OSBP2: variants seen among roughly 807,000 people sequenced by gnomAD.
OSBP2 encodes oxysterol binding protein 2.
A neutral mutation model predicts 96.0 loss-of-function variants in OSBP2; 66 were observed. That is an observed-to-expected ratio of 0.69 (90% confidence interval 0.56 to 0.84). The LOEUF is 0.84. OSBP2 is among the 40% of genes least tolerant of loss of function. The probability of loss-of-function intolerance (pLI) is 0.00; values close to 1 mark genes in which losing one functional copy is unlikely to be tolerated. For synonymous variants in OSBP2, 525 were observed against 520.9 expected, an observed-to-expected ratio of 1.01 and a Z score of -0.11; for missense variants, 1,038 against 1,222.7, an observed-to-expected ratio of 0.85 and a Z score of 2.25.
intron 3 of OSBP2, chr22:30,872,593 T>C (rs774422875): frequency 8.4e-6 from 3 of 358,080 alleles, no homozygotes; most frequent in Non-Finnish European, 1.6e-5. Flanking sequence ...GGCGGCAGAG[T>C]CAGCCCTGAG....
rs2145679936 is a variant in OSBP2, at chr22:30,707,764, C to T, written c.644+12211C>T. On this transcript the variant is annotated intron_variant, in intron 1 of 13. Transcript: ENST00000332585. ...ACTTTTTGTAATTTTGTGTTTTGTT[C>T]CTAGTATAAAGACCCAACATGCAGC... Among the ~76,000 whole-genome samples, 2 of 151,726 alleles carry T rather than the reference C, an allele frequency of 1.3e-5. 1 individual carries two copies. The highest frequency in any genetic ancestry group is 4.2e-4 in the South Asian group (2 of 4,796).
intron 2 of OSBP2, among the ~76,000 whole-genome samples, chr22:30,799,483 G>T (rs2090820574): frequency 6.6e-6 from 1 of 152,248 alleles, no homozygotes; most frequent in African/African-American, 2.4e-5. Context: ...ACTGCAGGCA[G>T]TAGTTAATTC....
intron 2 of OSBP2, among the ~76,000 whole-genome samples, chr22:30,815,671 G>A (rs1448694656): frequency 6.6e-6 from 1 of 152,038 alleles, no homozygotes; most frequent in East Asian, 1.9e-4. Context: ...TATTAAACAT[G>A]GCTCTTCATG....
intron 2 of OSBP2, among the ~76,000 whole-genome samples, chr22:30,780,153 G>A (rs75960339): frequency 0.013 from 1,982 of 152,340 alleles, 22 homozygotes; most frequent in Middle Eastern, 0.041. Flanking sequence ...AGCCCCGGGC[G>A]AGCAGAAAGG....
At chr22:30,902,140 C>CAAAAAAAAAAAAAAAAAAAAAAAAAAAA (rs1239083048) in intron 12 of OSBP2, 4 of 253,948 alleles carry the variant, frequency 1.6e-5, no homozygotes, top group East Asian at 5.8e-5. Flanking sequence ...AAAAAAAAAC[C>CAAAAAAAAAAAAAAAAAAAAAAAAAAAA]AAAAAAAAAA....
In OSBP2 at chr22:30,881,740, G is replaced by A. The variant is rs1440943972; in HGVS notation, c.1108-5686G>A. On this transcript the variant is annotated intron_variant, in intron 3 of 13. Transcript: ENST00000332585. The surrounding 1 kb of genome is among the most constrained non-coding windows in gnomAD (Gnocchi z 4.5). ...CTGCCTCTCCCCACAGCACAGCCAGGATGGGGCCTGGAGAAGGCCGGCAGC... is the reference window on the plus strand; with the variant it reads ...CTGCCTCTCCCCACAGCACAGCCAGAATGGGGCCTGGAGAAGGCCGGCAGC... 3 of 1,304,196 alleles carry A rather than the reference G, an allele frequency of 2.3e-6. No homozygotes were observed. The highest frequency in any genetic ancestry group is 5.5e-5 in the East Asian group (1 of 18,034). 80.8% of individuals were successfully genotyped at this position (1,304,196 alleles called of 1,614,324 possible).
intron 1 of OSBP2, among the ~76,000 whole-genome samples, chr22:30,701,215 G>A (rs2089155560): frequency 6.6e-6 from 1 of 152,022 alleles, no homozygotes; most frequent in African/African-American, 2.4e-5. Flanking sequence ...GTTGCCTCTG[G>A]GATAGATTGT....
intron 2 of OSBP2, among the ~76,000 whole-genome samples, chr22:30,786,133 C>T (rs192058544): frequency 6.6e-6 from 1 of 152,184 alleles, no homozygotes; most frequent in East Asian, 1.9e-4. Flanking sequence ...AAGCAATTCT[C>T]CTGTCTCAAC....
intron 2 of OSBP2, among the ~76,000 whole-genome samples, chr22:30,756,557 G>T (rs2090142795): frequency 6.6e-6 from 1 of 152,158 alleles, no homozygotes. Flanking sequence ...GCTGGGCATG[G>T]TGGCGCACGC....
At chr22:30,892,292 G>A (rs974546756) in intron 8 of OSBP2, among the ~76,000 whole-genome samples, 1 of 152,140 alleles carries the variant, frequency 6.6e-6, no homozygotes, top group African/African-American at 2.4e-5. Flanking sequence ...GCTTCCTATG[G>A]GCTCCTTGGG....
At chr22:30,894,089 C>G in intron 12 of OSBP2, 88 bp downstream of exon 12, 2 of 1,195,028 alleles carry the variant, frequency 1.7e-6, no homozygotes, top group South Asian at 2.9e-5. Context: ...CACAGGAGGT[C>G]GGGAGGGTTC....
chr22:30,826,888 C>T (rs1422720990), intron 2 of OSBP2, among the ~76,000 whole-genome samples: 1 of 152,182 alleles, frequency 6.6e-6, no homozygotes, highest in East Asian at 1.9e-4. Flanking sequence ...GGAGTCTTTC[C>T]TGCCCCCACC....
At chr22:30,771,616 G>A (rs1000736262) in intron 2 of OSBP2, among the ~76,000 whole-genome samples, 3 of 152,208 alleles carry the variant, frequency 2.0e-5, no homozygotes, top group Admixed American at 6.5e-5. Flanking sequence ...CCAATAGGTG[G>A]GCTCCAGGCT....
At chr22:30,892,616 G>A (rs571206767) in intron 8 of OSBP2, among the ~76,000 whole-genome samples, 136 of 152,226 alleles carry the variant, frequency 8.9e-4, no homozygotes, top group Admixed American at 1.9e-3. Flanking sequence ...GGGGAGGGCC[G>A]GGCCCGGGGC....
intron 2 of OSBP2, among the ~76,000 whole-genome samples, chr22:30,802,000 A>C (rs1331205423): frequency 2.0e-5 from 3 of 152,106 alleles, no homozygotes; most frequent in Non-Finnish European, 4.4e-5. Context: ...TGAATGAATG[A>C]ATGAATGACA....
rs200671901 is a variant in OSBP2, at chr22:30,835,915, C to T, written c.854-34514C>T. 7.5e-4 allele frequency among the ~76,000 whole-genome samples: 114 copies of T among 151,998 alleles called. No homozygotes were observed. The East Asian group carries it at 0.019, about 25-fold the overall frequency. ...TTTTTTTCCTGTAAAGGTGGGGTTT[C>T]ACTATGTTGCCCAGGCTGGTTTTGA... On this transcript the variant is annotated intron_variant, in intron 2 of 13. Transcript: ENST00000332585.
chr22:30,752,107 G>A (rs2090081767), intron 2 of OSBP2, among the ~76,000 whole-genome samples: 1 of 152,080 alleles, frequency 6.6e-6, no homozygotes. Context: ...GGAGCAGAGT[G>A]CTGTTCAGCG....
Position 30,870,403 on chromosome 22 carries a change from C to T in OSBP2, c.854-26C>T, listed in dbSNP as rs780038228. The T allele has an allele frequency of 9.9e-6, 16 of 1,612,074 alleles. No homozygotes were observed. Among genetic ancestry groups the T allele is most frequent in the South Asian group, 3.3e-5 (3 of 91,014 alleles). On this transcript the variant is annotated intron_variant, in intron 2 of 13. Coordinates refer to ENST00000332585, the MANE Select transcript of OSBP2 (RefSeq NM_030758.4). This position sits in a 1 kb window ranked among gnomAD's most constrained non-coding sequence, Gnocchi z 4.1. Reference sequence around the variant, plus strand: ...TGGTACCACGTCTGTTCGTAATGACCGTAACAACTCTATTTTCTTCCACAG... The same window carrying T: ...TGGTACCACGTCTGTTCGTAATGACTGTAACAACTCTATTTTCTTCCACAG...
At chr22:30,744,311 G>A (rs980050044) in intron 2 of OSBP2, among the ~76,000 whole-genome samples, 2 of 152,152 alleles carry the variant, frequency 1.3e-5, no homozygotes, top group African/African-American at 4.8e-5. Context: ...ATGGCCTAAT[G>A]TCGCTCTCCT....
Sources: gnomAD v4.1 joint callset for allele counts (sites outside exome capture counted in the v4.1 genomes callset) on GRCh38, gnomAD v4.1.1 for gene constraint, Gnocchi (gnomAD v3.1) non-coding constraint, MANE v1.5 for transcripts, NCBI Gene and HGNC (gene_info 2026-07-23, HGNC 2026-07-21) for gene names.